The following ANKS1B variants were observed in gnomAD, a reference collection of about 807,000 sequenced individuals.
ANKS1B encodes the protein ankyrin repeat and sterile alpha motif domain-containing protein 1B.
ANKS1B carries 36 observed loss-of-function variants against 148.3 expected under a neutral mutation model. The observed-to-expected ratio is 0.24, with a 90% CI of 0.19 to 0.32. ANKS1B has a LOEUF of 0.32. ANKS1B is among the 10% of genes least tolerant of loss of function. ANKS1B has a pLI of 1.00. For missense variants in ANKS1B, 1,157 were observed against 1,542.6 expected (o/e 0.75, Z 4.19); for synonymous variants, 542 against 560.8 (o/e 0.97, Z 0.47).
intron 16 of ANKS1B, among the ~76,000 whole-genome samples, chr12:99,069,471 G>A (rs865991981): frequency 4.6e-5 from 7 of 152,128 alleles, no homozygotes; most frequent in Admixed American, 1.3e-4. Context: ...TTGCCACCAA[G>A]CAGTAGCTTC....
At chr12:98,798,492 A>T (rs966565826) in intron 22 of ANKS1B, among the ~76,000 whole-genome samples, 12 of 115,334 alleles carry the variant, frequency 1.0e-4, no homozygotes, top group African/African-American at 3.3e-4. Context: ...TTAAAAAAAT[A>T]AAAAAAAAAA....
chr12:98,955,810 A>G (rs1459215690), intron 17 of ANKS1B, among the ~76,000 whole-genome samples: 3 of 152,224 alleles, frequency 2.0e-5, no homozygotes, highest in Non-Finnish European at 2.9e-5. Flanking sequence ...AGCTTTGGCA[A>G]TGTTGAGTTT....
chr12:98,788,341 G>A (rs1267894354), intron 22 of ANKS1B, among the ~76,000 whole-genome samples: 2 of 152,056 alleles, frequency 1.3e-5, no homozygotes, highest in African/African-American at 4.8e-5. Flanking sequence ...AAAGCAAACT[G>A]GCTCAAATTG....
At chr12:99,029,373 A>G (rs1461257329) in intron 17 of ANKS1B, among the ~76,000 whole-genome samples, 1 of 152,190 alleles carries the variant, frequency 6.6e-6, no homozygotes, top group Non-Finnish European at 1.5e-5. Context: ...CCTGAGCCAC[A>G]TGCTGTATAT....
intron 12 of ANKS1B, among the ~76,000 whole-genome samples, chr12:99,348,116 T>C (rs1020518020): frequency 1.3e-5 from 2 of 151,878 alleles, no homozygotes; most frequent in Admixed American, 6.6e-5. Flanking sequence ...AGAAAACATA[T>C]AGATAAATCA....
chr12:99,982,212 C>T (rs1281078369), intron 1 of ANKS1B, among the ~76,000 whole-genome samples: 1 of 151,914 alleles, frequency 6.6e-6, no homozygotes, highest in East Asian at 1.9e-4. Context: ...ACTACTACTA[C>T]ACCAGCAAAA....
At chr12:98,856,352 A>C (rs768171609) in intron 17 of ANKS1B, among the ~76,000 whole-genome samples, 3 of 152,140 alleles carry the variant, frequency 2.0e-5, no homozygotes, top group Non-Finnish European at 4.4e-5. Context: ...ACTGGCTTTG[A>C]TTTGAGGCAG....
intron 17 of ANKS1B, among the ~76,000 whole-genome samples, chr12:98,955,240 A>G (rs2099860302): frequency 6.6e-6 from 1 of 152,212 alleles, no homozygotes; most frequent in Non-Finnish European, 1.5e-5. Context: ...AAAGCCAGAG[A>G]AGACCACCTT....
At chr12:99,774,361 G>A (rs1001313668) in intron 7 of ANKS1B, among the ~76,000 whole-genome samples, 1 of 151,992 alleles carries the variant, frequency 6.6e-6, no homozygotes, top group African/African-American at 2.4e-5. Flanking sequence ...GCACATAAAT[G>A]ACCCAAGGTA....
intron 1 of ANKS1B, among the ~76,000 whole-genome samples, chr12:99,842,348 T>C (rs2085882905): frequency 2.0e-5 from 3 of 152,160 alleles, no homozygotes; most frequent in Admixed American, 2.0e-4. Context: ...TTTTGAAAAC[T>C]AGTATGTAGT....
At chr12:99,622,308 C>T (rs2098063235) in intron 9 of ANKS1B, among the ~76,000 whole-genome samples, 1 of 151,898 alleles carries the variant, frequency 6.6e-6, no homozygotes, top group African/African-American at 2.4e-5. Flanking sequence ...CTCAAATTAA[C>T]AATGTAATAT....
At chr12:99,630,754 G>A (rs2098150274) in intron 9 of ANKS1B, among the ~76,000 whole-genome samples, 1 of 152,190 alleles carries the variant, frequency 6.6e-6, no homozygotes, top group Admixed American at 6.5e-5. Context: ...AAGACTCACT[G>A]TGTGATGCCC....
At chr12:98,815,969 T>A (rs56364350) in intron 19 of ANKS1B, among the ~76,000 whole-genome samples, 8,787 of 152,192 alleles carry the variant, frequency 0.058, 358 homozygotes, top group Non-Finnish European at 0.096. Context: ...GATAATTCAG[T>A]CCTAACAATG....
At chr12:99,230,298 C>G (rs1252018867) in intron 14 of ANKS1B, among the ~76,000 whole-genome samples, 1 of 152,040 alleles carries the variant, frequency 6.6e-6, no homozygotes, top group African/African-American at 2.4e-5. Context: ...AATATATTAT[C>G]TCTGGAAGCA....
intron 9 of ANKS1B, among the ~76,000 whole-genome samples, chr12:99,562,510 G>C (rs995850315): frequency 6.6e-6 from 1 of 152,152 alleles, no homozygotes; most frequent in Non-Finnish European, 1.5e-5. Context: ...CTCTCATGCT[G>C]CTACAAAGAA....
At chr12:99,087,334 A>C (rs1193784647) in intron 15 of ANKS1B, among the ~76,000 whole-genome samples, 1 of 152,204 alleles carries the variant, frequency 6.6e-6, no homozygotes, top group East Asian at 1.9e-4. Context: ...ACGGGCATTC[A>C]CTGGACAAAA....
At chr12:99,671,331 T>A (rs902232034) in intron 8 of ANKS1B, among the ~76,000 whole-genome samples, 2 of 152,130 alleles carry the variant, frequency 1.3e-5, no homozygotes, top group Admixed American at 6.6e-5. Context: ...CGTAAATATG[T>A]ACTTGTATGC....
At chr12:98,886,712 G>GA (rs938514346) in intron 17 of ANKS1B, among the ~76,000 whole-genome samples, 6 of 151,870 alleles carry the variant, frequency 4.0e-5, no homozygotes, top group East Asian at 1.9e-4. Context: ...GATAAAGGCA[G>GA]AAAAAAAATC....
chr12:99,214,471 C>A (rs117374551), intron 14 of ANKS1B, among the ~76,000 whole-genome samples: 1 of 152,122 alleles, frequency 6.6e-6, no homozygotes, highest in African/African-American at 2.4e-5. Context: ...ATAAATCTCA[C>A]GAGATCTGAT....
Sources: allele counts gnomAD v4.1 joint callset (sites outside exome capture counted in the v4.1 genomes callset), GRCh38; gene constraint gnomAD v4.1.1; transcripts MANE v1.5; gene names NCBI Gene and HGNC (gene_info 2026-07-23, HGNC 2026-07-21).